Variants in ATP8A2 observed in about 807,000 individuals in gnomAD.
ATP8A2 encodes the protein phospholipid-transporting ATPase IB.
In ATP8A2, 100 loss-of-function variants were observed where a neutral mutation model predicts 165.6. The observed-to-expected ratio is 0.60, with a 90% CI of 0.51 to 0.71. The LOEUF (loss-of-function observed/expected upper bound fraction) is 0.71. Ranked by LOEUF, ATP8A2 falls within the 30% of genes least tolerant of loss-of-function variation. ATP8A2 has a pLI of 0.00. For synonymous variants in ATP8A2, 543 were observed against 548.8 expected, an observed-to-expected ratio of 0.99 and a Z score of 0.15; for missense variants, 1,227 against 1,479.5, an observed-to-expected ratio of 0.83 and a Z score of 2.80.
intron 33 of ATP8A2, among the ~76,000 whole-genome samples, chr13:25,960,343 A>G (rs1314119702): frequency 7.9e-5 from 12 of 152,124 alleles, no homozygotes; most frequent in Admixed American, 7.9e-4. Context: ...TTTACTGTAT[A>G]AAGGGAGCTA....
intron 30 of ATP8A2, among the ~76,000 whole-genome samples, chr13:25,857,419 G>T (rs2138739875): frequency 6.6e-6 from 1 of 152,116 alleles, no homozygotes. Flanking sequence ...CTGTCACCCA[G>T]GCTGGAGTGC....
At chr13:25,612,651 A>G (rs896785413) in intron 24 of ATP8A2, among the ~76,000 whole-genome samples, 2 of 152,108 alleles carry the variant, frequency 1.3e-5, no homozygotes, top group African/African-American at 4.8e-5. Context: ...TGTTAAGTCC[A>G]TTTGTTCTGG....
intron 24 of ATP8A2, among the ~76,000 whole-genome samples, chr13:25,635,579 C>T (rs942790381): frequency 5.9e-5 from 9 of 152,124 alleles, no homozygotes; most frequent in African/African-American, 2.2e-4. Flanking sequence ...AGCATGGAGT[C>T]CTTGTAATAC....
At chr13:25,542,390 T>A (rs1018733854) in intron 9 of ATP8A2, among the ~76,000 whole-genome samples, 7 of 152,144 alleles carry the variant, frequency 4.6e-5, no homozygotes, top group African/African-American at 1.7e-4. Flanking sequence ...GTGTATTTTT[T>A]TTTTTTTTTT....
Position 25,961,549 on chromosome 13 carries a change from G to A in ATP8A2, c.3184-26G>A. 4 of 1,552,124 alleles carry A rather than the reference G, an allele frequency of 2.6e-6. No individual in the cohort carries two copies. In the South Asian group the frequency reaches 4.5e-5, roughly 17 times the overall value. On this transcript the variant is annotated intron_variant, in intron 33 of 36. Transcript: ENST00000381655. ...TGTTTTTGAAAGAGAAAGTATTCAA[G>A]CAAGTGTCACTTCTATTTCTTGCAG...
intron 2 of ATP8A2, among the ~76,000 whole-genome samples, chr13:25,524,801 T>C (rs554549349): frequency 6.6e-5 from 10 of 152,140 alleles, no homozygotes; most frequent in Admixed American, 1.3e-4. Context: ...AATTAGAGAA[T>C]TAAGTTCATT....
chr13:25,837,219 G>A lies in ATP8A2; in HGVS notation c.2811G>A (p.Gln937=). 3 of 1,614,066 alleles carry A rather than the reference G, an allele frequency of 1.9e-6. No individual in the cohort carries two copies. Among genetic ancestry groups the A allele is most frequent in the Non-Finnish European group, 2.5e-6 (3 of 1,179,996 alleles). Residue 937 remains glutamine (Q), a synonymous_variant, in exon 29 of 37, where the codon CAG becomes CAA. Coordinates refer to ENST00000381655, the MANE Select transcript of ATP8A2 (RefSeq NM_016529.6). ...GAATCTTTGAGAGGTCTTGCACTCAGGAGAGCATGCTCAGGTTTCCCCAGC... is the reference window on the plus strand; with the variant it reads ...GAATCTTTGAGAGGTCTTGCACTCAAGAGAGCATGCTCAGGTTTCCCCAGC... ...TLGIFERSCT[Q]ESMLRFPQLY...
At chr13:25,416,108 A>G (rs532356940) in intron 1 of ATP8A2, among the ~76,000 whole-genome samples, 5 of 152,240 alleles carry the variant, frequency 3.3e-5, no homozygotes, top group Non-Finnish European at 2.9e-5. Context: ...GATAGCAGGC[A>G]TGAGCCACTA....
intron 24 of ATP8A2, chr13:25,648,987 A>C: frequency 4.0e-6 from 2 of 497,986 alleles, no homozygotes; most frequent in South Asian, 2.9e-5. Context: ...ATTTTTTGTC[A>C]TCATTTTATT....
At chr13:26,017,266 G>A (rs1956999126) in intron 36 of ATP8A2, among the ~76,000 whole-genome samples, 1 of 152,190 alleles carries the variant, frequency 6.6e-6, no homozygotes, top group Non-Finnish European at 1.5e-5. Context: ...TGCAGCTGCT[G>A]TTCTGCCAGG....
At chr13:25,943,038 G>C (rs1955112640) in intron 33 of ATP8A2, among the ~76,000 whole-genome samples, 1 of 152,124 alleles carries the variant, frequency 6.6e-6, no homozygotes. Flanking sequence ...GCACAGAAGG[G>C]AGGGGTCTGA....
chr13:25,574,444 C>T (rs2039558019), intron 18 of ATP8A2, among the ~76,000 whole-genome samples: 1 of 152,190 alleles, frequency 6.6e-6, no homozygotes, highest in African/African-American at 2.4e-5. Context: ...TTACCCCAGA[C>T]CCTGCTGGGG....
chr13:25,376,836 T>C (rs1238114698), intron 1 of ATP8A2, among the ~76,000 whole-genome samples: 2 of 152,238 alleles, frequency 1.3e-5, no homozygotes, highest in African/African-American at 4.8e-5. Flanking sequence ...AGAATTTAAA[T>C]GTTCTTTTAC....
At chr13:25,745,589 A>G (rs4770875) in intron 25 of ATP8A2, among the ~76,000 whole-genome samples, 56,357 of 152,002 alleles carry the variant, frequency 0.37, 11,053 homozygotes, top group East Asian at 0.49. Flanking sequence ...TATCCACTCT[A>G]TGATCAAACT....
intron 27 of ATP8A2, among the ~76,000 whole-genome samples, chr13:25,801,931 A>C (rs1950630405): frequency 6.6e-6 from 1 of 152,016 alleles, no homozygotes; most frequent in African/African-American, 2.4e-5. Context: ...CACTTATAAA[A>C]CCATCAGATC....
chr13:25,680,088 G>A lies in ATP8A2; in HGVS notation c.2212-19085G>A, dbSNP rs73476859. Among the ~76,000 whole-genome samples, 767 of 152,250 alleles carry A rather than the reference G, an allele frequency of 5.0e-3. 3 individuals carry two copies. The highest frequency in any genetic ancestry group is 0.017 in the African/African-American group (721 of 41,540). ...CATGCTCTACGTTCTTGGTGTGACC[G>A]TGCTAATTGTGTGGCTTTTGTGGGT... On this transcript the variant is annotated intron_variant, in intron 24 of 36. Coordinates refer to ENST00000381655, the MANE Select transcript of ATP8A2 (RefSeq NM_016529.6).
intron 1 of ATP8A2, among the ~76,000 whole-genome samples, chr13:25,391,368 AC>A (rs2033239962): frequency 6.6e-6 from 1 of 152,130 alleles, no homozygotes; most frequent in Non-Finnish European, 1.5e-5. Flanking sequence ...TCATTGATCC[AC>A]CCATTCTTTC....
chr13:26,018,499 G>A (rs1270962405), intron 36 of ATP8A2, among the ~76,000 whole-genome samples: 3 of 152,192 alleles, frequency 2.0e-5, no homozygotes, highest in Non-Finnish European at 4.4e-5. Context: ...CAGCTCCCCT[G>A]ATAAGTTGTA....
intron 25 of ATP8A2, among the ~76,000 whole-genome samples, chr13:25,741,922 G>A (rs749899980): frequency 6.6e-6 from 1 of 152,144 alleles, no homozygotes; most frequent in Non-Finnish European, 1.5e-5. Flanking sequence ...TGACATCTTC[G>A]TTGTAGAGTT....
Sources: allele counts gnomAD v4.1 joint callset (sites outside exome capture counted in the v4.1 genomes callset), GRCh38; gene constraint gnomAD v4.1.1; transcripts MANE v1.5; gene names NCBI Gene and HGNC (gene_info 2026-07-23, HGNC 2026-07-21).